ZNF490: variants seen among roughly 807,000 people sequenced by gnomAD.
ZNF490 encodes the protein zinc finger protein 490.
Under a neutral mutation model 17.7 loss-of-function variants are expected in ZNF490, and 11 were observed. The observed-to-expected ratio is 0.62, with a 90% CI of 0.39 to 1.03. The LOEUF (loss-of-function observed/expected upper bound fraction) is 1.03. ZNF490 is among the 50% of genes least tolerant of loss of function. ZNF490 has a pLI of 0.00. For synonymous variants in ZNF490, 222 were observed against 216.1 expected, an observed-to-expected ratio of 1.03 and a Z score of -0.24; for missense variants, 542 against 643.4, an observed-to-expected ratio of 0.84 and a Z score of 1.71.
intron 2 of ZNF490, among the ~76,000 whole-genome samples, chr19:12,590,610 C>T (rs901445183): frequency 1.3e-5 from 2 of 152,254 alleles, no homozygotes; most frequent in Non-Finnish European, 2.9e-5. Context: ...GAAGGAAGAA[C>T]TAAAGCTGTC....
In ZNF490 at chr19:12,610,634, T is replaced by A. The variant is rs779764869; in HGVS notation, c.47A>T (p.Glu16Val). 5 of 1,613,856 alleles carry A rather than the reference T, an allele frequency of 3.1e-6. No homozygotes were observed. Among genetic ancestry groups the A allele is most frequent in the Non-Finnish European group, 8.5e-7 (1 of 1,180,010 alleles). ...CGACCACTTGCTCTGGACTTGCTCCTCGAGGGGTCGCTCCATCTGGAAACT... is the reference window on the plus strand; with the variant it reads ...CGACCACTTGCTCTGGACTTGCTCCACGAGGGGTCGCTCCATCTGGAAACT... ...SLSFQMERPLEEQVQSKWSSS... is the reference protein window; with the variant it reads ...SLSFQMERPLVEQVQSKWSSS... Residue 16 changes from glutamate (E) to valine (V), a missense_variant, in exon 1 of 5, where the codon GAG becomes GTG. Coordinates refer to ENST00000311437, the MANE Select transcript of ZNF490 (RefSeq NM_020714.3).
chr19:12,583,405 A>G, intron 3 of ZNF490, 25 bp downstream of exon 3: 6 of 1,564,958 alleles, frequency 3.8e-6, no homozygotes, highest in Non-Finnish European at 3.5e-6. Flanking sequence ...TCCTTAATTA[A>G]GTAGAGAAAT....
chr19:12,580,122 CA>C lies in ZNF490; in HGVS notation c.*362del, dbSNP rs2022707779. ...AATTACATCTCAACAAAAACAAAAACAAAAAACAAACCCCACAAAAGATGGG... is the reference window on the plus strand; with the variant it reads ...AATTACATCTCAACAAAAACAAAAACAAAAACAAACCCCACAAAAGATGGG... On this transcript the variant is annotated 3_prime_UTR_variant, in exon 5 of 5. Transcript: ENST00000311437. The C allele has an allele frequency of 9.9e-7, 1 of 1,008,366 alleles. No individual in the cohort carries two copies. The highest frequency in any genetic ancestry group is 1.7e-5 in the African/African-American group (1 of 58,194). The allele number at this position is 1,008,366 out of a possible 1,614,324, so 62.5% of individuals were successfully genotyped here.
chr19:12,607,557 C>T (rs1330186641), intron 2 of ZNF490, among the ~76,000 whole-genome samples: 1 of 151,714 alleles, frequency 6.6e-6, no homozygotes, highest in African/African-American at 2.4e-5. Context: ...TGGAACTTCT[C>T]AGTATTAAAG....
At position 12,583,544 on chromosome 19, in the gene ZNF490, G is replaced by A. The variant is rs1488689097; in HGVS notation, c.175C>T (p.Leu59Phe). The A allele has an allele frequency of 6.3e-7, 1 of 1,598,414 alleles. No homozygotes were observed. The highest frequency in any genetic ancestry group is 8.5e-7 in the Non-Finnish European group (1 of 1,170,092). Residue 59 changes from leucine to phenylalanine, a missense_variant, in exon 3 of 5, where the codon CTT (leucine) becomes TTT (phenylalanine). Physicochemically the swap from Leu to Phe is conservative, Grantham distance 22. Transcript: ENST00000311437. ...SIKTQTDSIS[L>F]EDVAVNFTLE... Reference sequence around the variant, plus strand: ...GTGAAGTTCACAGCCACATCCTCAAGGGAGATGGAGTCCTAAAACATCCCC... The same window carrying A: ...GTGAAGTTCACAGCCACATCCTCAAAGGAGATGGAGTCCTAAAACATCCCC...
At position 12,581,356 on chromosome 19, in the gene ZNF490, T is replaced by C; in HGVS notation, c.719A>G (p.His240Arg). The C allele has an allele frequency of 1.9e-6, 3 of 1,614,172 alleles. No individual in the cohort carries two copies. Among genetic ancestry groups the C allele is most frequent in the African/African-American group, 1.3e-5 (1 of 75,054 alleles). The change falls in exon 5 of 5, where the codon CAT (histidine) becomes CGT (arginine). Residue 240 changes from histidine (H) to arginine (R), a missense_variant. Coordinates refer to ENST00000311437, the MANE Select transcript of ZNF490 (RefSeq NM_020714.3). ...AFAFLFSFRN[H>R]IRIHTGETPY... ...TGTCTCTCCAGTATGAATTCTTATA[T>C]GGTTTCGAAAGGAAAAGAGAAATGC... is the stretch of plus-strand genomic sequence containing the variant.
intron 2 of ZNF490, among the ~76,000 whole-genome samples, chr19:12,599,632 T>G (rs2022977614): frequency 6.6e-6 from 1 of 152,172 alleles, no homozygotes; most frequent in African/African-American, 2.4e-5. Flanking sequence ...AAAGTAAAAG[T>G]TGCTAAGAAT....
chr19:12,598,231 C>A (rs981557580), intron 2 of ZNF490, among the ~76,000 whole-genome samples: 2 of 120,448 alleles, frequency 1.7e-5, no homozygotes, highest in Non-Finnish European at 4.1e-5. Context: ...TCAAAAAAAA[C>A]AACAATTAAA....
chr19:12,578,630 T>G lies in ZNF490; in HGVS notation c.*1855A>C. ...AGGCAGATCCCACTTGGGGAAAAAC[T>G]GTAAGATGCGAACCTTTGTCTTAGA... is the stretch of plus-strand genomic sequence containing the variant. On this transcript the variant is annotated 3_prime_UTR_variant, in exon 5 of 5. Transcript: ENST00000311437. 3 of 985,488 alleles carry G rather than the reference T, an allele frequency of 3.0e-6. No individual in the cohort carries two copies. The highest frequency in any genetic ancestry group is 3.6e-6 in the Non-Finnish European group (3 of 829,954). The allele number at this position is 985,488 out of a possible 1,614,324, so 61.0% of individuals were successfully genotyped here.
At chr19:12,592,549 C>A (rs910492567) in intron 2 of ZNF490, among the ~76,000 whole-genome samples, 1 of 151,914 alleles carries the variant, frequency 6.6e-6, no homozygotes, top group Non-Finnish European at 1.5e-5. Context: ...TTTTGACTGT[C>A]AAGAATTTGG....
At chr19:12,604,547 A>G (rs566778537) in intron 2 of ZNF490, among the ~76,000 whole-genome samples, 79 of 152,172 alleles carry the variant, frequency 5.2e-4, no homozygotes, top group Non-Finnish European at 1.0e-3. Flanking sequence ...CCTGTAATCC[A>G]GCTACTTGAG....
chr19:12,600,731 G>GT (rs2022992556), intron 2 of ZNF490, among the ~76,000 whole-genome samples: 1 of 152,126 alleles, frequency 6.6e-6, no homozygotes, highest in Non-Finnish European at 1.5e-5. Context: ...TTAGAAGGTG[G>GT]TTTTATAATC....
At chr19:12,602,520 A>C (rs2023020062) in intron 2 of ZNF490, among the ~76,000 whole-genome samples, 1 of 152,186 alleles carries the variant, frequency 6.6e-6, no homozygotes. Flanking sequence ...ACTGGACTCC[A>C]ACCTGGGCAA....
chr19:12,581,173 G>C lies in ZNF490; in HGVS notation c.902C>G (p.Thr301Ser). The change falls in exon 5 of 5, where the codon ACT (threonine) becomes AGT (serine). Residue 301 changes from threonine to serine, a missense_variant. By Grantham distance (58) the Thr-to-Ser change is moderately conservative (BLOSUM62 1). Coordinates refer to ENST00000311437, the MANE Select transcript of ZNF490 (RefSeq NM_020714.3). ...CTTACATTCATAAGGTTTCTCTCCA[G>C]TGTGAGTCCTTTCGTGGGTTAGAAA... The part of the protein sequence containing the change: ...QPFLTHERTH[T>S]GEKPYECKQC... 1 of 1,610,594 alleles carries C rather than the reference G, an allele frequency of 6.2e-7. No individual in the cohort carries two copies. The highest frequency in any genetic ancestry group is 2.2e-5 in the East Asian group (1 of 44,864).
In ZNF490 at chr19:12,610,213, T is replaced by G. The variant is rs1056737906; in HGVS notation, c.117+351A>C. On this transcript the variant is annotated intron_variant, in intron 1 of 4. Transcript: ENST00000311437. ...TTGTTTTTTCTTTCTTTCCTTTTTT[T>G]TTTTTTCTTGGGATGGGTTCTGGCC... is the stretch of plus-strand genomic sequence containing the variant. 3.4e-4 allele frequency among the ~76,000 whole-genome samples: 52 copies of G among 151,548 alleles called. 1 individual carries two copies. Among genetic ancestry groups the G allele is most frequent in the African/African-American group, 1.1e-3 (46 of 41,366 alleles).
chr19:12,604,517 G>A (rs2023044462), intron 2 of ZNF490, among the ~76,000 whole-genome samples: 1 of 152,008 alleles, frequency 6.6e-6, no homozygotes, highest in East Asian at 1.9e-4. Context: ...AAAAAAATTA[G>A]CTGGGCATGG....
At chr19:12,597,022 GC>G (rs2022942506) in intron 2 of ZNF490, 2 of 428,738 alleles carry the variant, frequency 4.7e-6, no homozygotes, top group Non-Finnish European at 9.5e-6. Flanking sequence ...GGTCCCAGCT[GC>G]CGGCCCAGCC....
In ZNF490 at chr19:12,581,421, T is replaced by C; in HGVS notation, c.654A>G (p.Gly218=). The stretch of plus-strand genomic sequence containing the variant: ...ATTCCTTACATTCATAGGGTTTCTC[T>C]CCAGTGTGAATTCTTTCATGGGTTC... ...SIRTHERIHT[G]EKPYECKECG... Residue 218 remains glycine (G), a synonymous_variant, in exon 5 of 5, where the codon GGA becomes GGG. Coordinates refer to ENST00000311437, the MANE Select transcript of ZNF490 (RefSeq NM_020714.3). The C allele has an allele frequency of 6.2e-7, 1 of 1,614,250 alleles. No homozygotes were observed. The highest frequency in any genetic ancestry group is 8.5e-7 in the Non-Finnish European group (1 of 1,180,040).
chr19:12,583,384 C>T (rs979228060), intron 3 of ZNF490, 46 bp downstream of exon 3: 5 of 1,534,958 alleles, frequency 3.3e-6, no homozygotes, highest in Non-Finnish European at 4.4e-6. Context: ...GTGCAAGAAA[C>T]ACCTGTTCCC....
Sources: allele counts gnomAD v4.1 joint callset (sites outside exome capture counted in the v4.1 genomes callset), GRCh38; gene constraint gnomAD v4.1.1; transcripts MANE v1.5; gene names NCBI Gene and HGNC (gene_info 2026-07-23, HGNC 2026-07-21).